Variants in ZNF140 observed in about 807,000 individuals in gnomAD.
ZNF140 encodes zinc finger protein 140.
A neutral mutation model predicts 12.9 loss-of-function variants in ZNF140; 13 were observed. The observed-to-expected ratio is 1.01, with a 90% CI of 0.66 to 1.60. The LOEUF (loss-of-function observed/expected upper bound fraction) is 1.60. ZNF140 is among the 40% of genes most tolerant of loss of function. The pLI, the probability that ZNF140 is intolerant of heterozygous loss-of-function variation, is 0.00. For missense variants in ZNF140, 531 were observed against 548.8 expected, an observed-to-expected ratio of 0.97 and a Z score of 0.32; for synonymous variants, 214 against 186.7, an observed-to-expected ratio of 1.15 and a Z score of -1.19.
chr12:133,085,677 GA>G (rs1954650656), intron 4 of ZNF140, among the ~76,000 whole-genome samples: 1 of 152,124 alleles, frequency 6.6e-6, no homozygotes, highest in South Asian at 2.1e-4. Flanking sequence ...ACTTTATATA[GA>G]AAGATTTATA....
chr12:133,090,925 A>G lies in ZNF140; in HGVS notation c.232+7364A>G, dbSNP rs942334250. ...GAGTAAAGAATAACAAGGCAGCATT[A>G]CTGCAAACATATCTCGCCTCCCACC... is the stretch of plus-strand genomic sequence containing the variant. On this transcript the variant is annotated intron_variant, in intron 4 of 4. Coordinates refer to ENST00000355557, the MANE Select transcript of ZNF140 (RefSeq NM_003440.4). Among the ~76,000 whole-genome samples, 438 of 144,978 alleles carry G rather than the reference A, an allele frequency of 3.0e-3. 2 individuals are homozygous for G. The highest frequency in any genetic ancestry group is 6.6e-3 in the East Asian group (34 of 5,116).
At position 133,082,917 on chromosome 12, in the gene ZNF140, C is replaced by T. The variant is rs956762130; in HGVS notation, c.10-186C>T. 8.8e-5 allele frequency: 64 copies of T among 725,778 alleles called. No individual in the cohort carries two copies. In the Admixed American group the frequency reaches 1.3e-3, roughly 15 times the overall value. 45.0% of individuals were successfully genotyped at this position (725,778 alleles called of 1,614,324 possible). A position where few individuals can be genotyped will look rare whatever the true frequency, so the allele number is the denominator to read the frequency against. Reference sequence around the variant, plus strand: ...AGATAATTTATGTTTTTCTCCTTTTCTCCAGTTATACAACAAAACACAAGA... The same window carrying T: ...AGATAATTTATGTTTTTCTCCTTTTTTCCAGTTATACAACAAAACACAAGA... On this transcript the variant is annotated intron_variant, in intron 2 of 4. Transcript: ENST00000355557.
At chr12:133,081,205 G>T in intron 1 of ZNF140, 68 bp from the exon 2 acceptor site, 2 of 710,852 alleles carry the variant, frequency 2.8e-6, no homozygotes, top group Non-Finnish European at 2.4e-6. Context: ...TCCCCAGTGC[G>T]GGAATCTAGT....
rs376891450 is a variant in ZNF140, at chr12:133,089,761, C to T, written c.232+6200C>T. 1.8e-3 allele frequency among the ~76,000 whole-genome samples: 278 copies of T among 151,460 alleles called. 1 individual carries two copies. The highest frequency in any genetic ancestry group is 7.0e-3 in the Middle Eastern group (2 of 286). Reference sequence around the variant, plus strand: ...TTTTCTTAATTAGCCTGGCTAGAGGCTTATTGATTTTAATTATCTTTTCAG... The same window carrying T: ...TTTTCTTAATTAGCCTGGCTAGAGGTTTATTGATTTTAATTATCTTTTCAG... On this transcript the variant is annotated intron_variant, in intron 4 of 4. Transcript: ENST00000355557.
At position 133,095,110 on chromosome 12, in the gene ZNF140, A is replaced by G. The variant is rs371103091; in HGVS notation, c.233-10400A>G. On this transcript the variant is annotated intron_variant, in intron 4 of 4. Coordinates refer to ENST00000355557, the MANE Select transcript of ZNF140 (RefSeq NM_003440.4). ...CCAATCATTCCATACTGCACGTGGGATGATTTTACCTTCCCTAGTTGCTTG... is the reference window on the plus strand; with the variant it reads ...CCAATCATTCCATACTGCACGTGGGGTGATTTTACCTTCCCTAGTTGCTTG... 2.6e-4 allele frequency among the ~76,000 whole-genome samples: 40 copies of G among 151,230 alleles called. 3 individuals are homozygous for G. The South Asian group carries it at 8.1e-3, about 31-fold the overall frequency.
At chr12:133,102,867 G>C (rs1955403179) in intron 4 of ZNF140, among the ~76,000 whole-genome samples, 1 of 152,176 alleles carries the variant, frequency 6.6e-6, no homozygotes, top group African/African-American at 2.4e-5. Context: ...TAGGAGATGG[G>C]AAGAGGTGAG....
chr12:133,100,708 G>C (rs1955315534), intron 4 of ZNF140, among the ~76,000 whole-genome samples: 3 of 152,070 alleles, frequency 2.0e-5, no homozygotes, highest in Non-Finnish European at 4.4e-5. Flanking sequence ...TGGCATATCT[G>C]AATTGTCAGC....
intron 4 of ZNF140, among the ~76,000 whole-genome samples, chr12:133,102,706 G>C (rs960705773): frequency 2.7e-5 from 3 of 112,724 alleles, no homozygotes; most frequent in African/African-American, 8.9e-5. Flanking sequence ...CCAAGATCGT[G>C]CCACTGGACC....
chr12:133,095,997 A>C (rs375400476), intron 4 of ZNF140, among the ~76,000 whole-genome samples: 3,864 of 151,084 alleles, frequency 0.026, 166 homozygotes, highest in African/African-American at 0.081. Flanking sequence ...CTCTATCTCA[A>C]CTGCAAGAGG....
chr12:133,084,076 G>A (rs1238880447), intron 4 of ZNF140: 3 of 378,454 alleles, frequency 7.9e-6, no homozygotes, highest in African/African-American at 2.2e-5. Context: ...TGACATAGTC[G>A]ACCAGTTCTC....
chr12:133,082,546 C>G (rs796534016), intron 2 of ZNF140: 1 of 153,684 alleles, frequency 6.5e-6, no homozygotes, highest in African/African-American at 2.4e-5. Context: ...TCTCTTCTTG[C>G]GGAATCAAGA....
intron 4 of ZNF140, among the ~76,000 whole-genome samples, chr12:133,098,611 TAATAA>T (rs1287682213): frequency 6.6e-6 from 1 of 152,232 alleles, no homozygotes; most frequent in African/African-American, 2.4e-5. Context: ...AAGTACCTTA[TAATAA>T]AATATTTCTC....
In ZNF140 at chr12:133,107,356, G is replaced by T. The variant is rs952525708; in HGVS notation, c.*705G>T. The T allele has an allele frequency of 3.2e-4, 48 of 152,162 alleles. No homozygotes were observed. The highest frequency in any genetic ancestry group is 9.9e-4 in the African/African-American group (41 of 41,430). 9.4% of individuals were successfully genotyped at this position (152,162 alleles called of 1,614,324 possible). On this transcript the variant is annotated 3_prime_UTR_variant, in exon 5 of 5. Transcript: ENST00000355557. The stretch of plus-strand genomic sequence containing the variant: ...TGTAGGAAACGGTTCTATTTTGAGG[G>T]AAGGGGGATTCCTTTTTGTTTTTTA...
intron 4 of ZNF140, among the ~76,000 whole-genome samples, chr12:133,089,308 G>A (rs1454907422): frequency 2.6e-5 from 4 of 151,534 alleles, no homozygotes; most frequent in East Asian, 3.9e-4. Flanking sequence ...AACTTCCCCC[G>A]GCCCAGGTGA....
chr12:133,102,606 AGG>A (rs1427559137), intron 4 of ZNF140, among the ~76,000 whole-genome samples: 19 of 152,152 alleles, frequency 1.2e-4, no homozygotes, highest in African/African-American at 4.3e-4. Context: ...ACCATTAGCC[AGG>A]CGTGGCAGCG....
chr12:133,080,660 C>G (rs1209670451), upstream of ZNF140: 2 of 152,318 alleles, frequency 1.3e-5, no homozygotes, highest in Non-Finnish European at 2.9e-5. Flanking sequence ...AGCCCCTATG[C>G]TCTGGCGCAC....
In ZNF140 at chr12:133,083,500, A is replaced by G; in HGVS notation, c.171A>G (p.Leu57=). The part of the protein sequence containing the change: ...LSISKPDVVS[L]LEQGKEPWLG... ...TTTCTAAGCCAGATGTGGTTTCCTTATTGGAGCAAGGGAAAGAACCCTGGC... is the reference window on the plus strand; with the variant it reads ...TTTCTAAGCCAGATGTGGTTTCCTTGTTGGAGCAAGGGAAAGAACCCTGGC... The change falls in exon 4 of 5, where the codon TTA becomes TTG. Residue 57 remains leucine, a synonymous_variant. Coordinates refer to ENST00000355557, the MANE Select transcript of ZNF140 (RefSeq NM_003440.4). 4 of 1,613,872 alleles carry G rather than the reference A, an allele frequency of 2.5e-6. No individual in the cohort carries two copies. Among genetic ancestry groups the G allele is most frequent in the South Asian group, 1.1e-5 (1 of 91,040 alleles).
chr12:133,084,097 T>G (rs1954594274), intron 4 of ZNF140: 1 of 413,962 alleles, frequency 2.4e-6, no homozygotes, highest in African/African-American at 2.1e-5. Flanking sequence ...ACCTTATACT[T>G]TCTTTTCTTT....
Position 133,094,029 on chromosome 12 carries a change from G to A in ZNF140, c.232+10468G>A, listed in dbSNP as rs369136706. On this transcript the variant is annotated intron_variant, in intron 4 of 4. Transcript: ENST00000355557. ...CCCAGTTTTACTTTTCTCTCTGTTG[G>A]TCTTTCCCAAATAATGAAAAGGAGT... is the stretch of plus-strand genomic sequence containing the variant. 9.9e-5 allele frequency among the ~76,000 whole-genome samples: 15 copies of A among 150,870 alleles called. 1 individual carries two copies. In the East Asian group the frequency reaches 2.1e-3, roughly 21 times the overall value.
Sources: gnomAD v4.1 joint callset for allele counts (sites outside exome capture counted in the v4.1 genomes callset) on GRCh38, gnomAD v4.1.1 for gene constraint, MANE v1.5 for transcripts, NCBI Gene and HGNC (gene_info 2026-07-23, HGNC 2026-07-21) for gene names.